Variants in PGM5 observed in about 807,000 individuals in gnomAD.
The protein encoded by PGM5 is phosphoglucomutase-like protein 5.
Under a neutral mutation model 59.2 loss-of-function variants are expected in PGM5, and 23 were observed. The ratio of observed to expected loss-of-function variants is 0.39; its 90% CI spans 0.28 to 0.55. The LOEUF (loss-of-function observed/expected upper bound fraction) is 0.55, where lower values mean the gene tolerates loss of function less well. PGM5 is among the 20% of genes least tolerant of loss of function. The probability of loss-of-function intolerance (pLI) is 0.66; values close to 1 mark genes in which losing one functional copy is unlikely to be tolerated. For synonymous variants in PGM5, 214 were observed against 286.0 expected (o/e 0.75, Z 2.54); for missense variants, 574 against 748.3 (o/e 0.77, Z 2.72).
At chr9:68,438,481 G>C (rs1454875090) in intron 6 of PGM5, among the ~76,000 whole-genome samples, 1 of 152,092 alleles carries the variant, frequency 6.6e-6, no homozygotes, top group East Asian at 1.9e-4. Flanking sequence ...CTACAGTGGA[G>C]TCAGGGAATC....
At chr9:68,465,941 G>A (rs1180774310) in intron 7 of PGM5, among the ~76,000 whole-genome samples, 2 of 152,088 alleles carry the variant, frequency 1.3e-5, no homozygotes, top group Non-Finnish European at 2.9e-5. Flanking sequence ...TTAACCCTAT[G>A]TGGGATTCTC....
chr9:68,482,167 T>C (rs1338533055), intron 8 of PGM5, among the ~76,000 whole-genome samples: 4 of 152,126 alleles, frequency 2.6e-5, no homozygotes, highest in Non-Finnish European at 5.9e-5. Context: ...CAAACAGATC[T>C]GATGATTCTC....
intron 10 of PGM5, among the ~76,000 whole-genome samples, chr9:68,503,075 C>T (rs930175045): frequency 5.9e-5 from 9 of 152,166 alleles, no homozygotes; most frequent in Admixed American, 5.9e-4. Flanking sequence ...ATTCACCTGT[C>T]AAACCAAAGG....
chr9:68,379,007 A>G (rs1821997210), intron 2 of PGM5, among the ~76,000 whole-genome samples: 1 of 152,198 alleles, frequency 6.6e-6, no homozygotes, highest in Non-Finnish European at 1.5e-5. Flanking sequence ...TTTCTGAAGA[A>G]TTTTAAAGCA....
At chr9:68,511,014 C>T (rs1394062789) in intron 10 of PGM5, among the ~76,000 whole-genome samples, 3 of 152,152 alleles carry the variant, frequency 2.0e-5, no homozygotes, top group African/African-American at 7.2e-5. Flanking sequence ...TGGATGAAGC[C>T]TCTAAGTAGC....
chr9:68,393,441 C>G, intron 6 of PGM5, among the ~76,000 whole-genome samples: 1 of 151,980 alleles, frequency 6.6e-6, no homozygotes, highest in Non-Finnish European at 1.5e-5. Flanking sequence ...TCAACAATTG[C>G]CAACTACCAA....
rs1587218644 is a variant in PGM5, at chr9:68,499,494, A to G, written c.1614+133A>G. The G allele has an allele frequency of 4.4e-6, 4 of 900,368 alleles. No homozygotes were observed. The African/African-American group carries it at 6.7e-5, about 15-fold the overall frequency. 55.8% of individuals were successfully genotyped at this position (900,368 alleles called of 1,614,324 possible). A position where few individuals can be genotyped will look rare whatever the true frequency, so the allele number is the denominator to read the frequency against. ...ATAATTTCAGCTGGAGGACAAGCTC[A>G]GGGCAACTCCAAGCAAGTTTAATTC... On this transcript the variant is annotated intron_variant, in intron 10 of 10. Transcript: ENST00000396396.
At chr9:68,479,592 G>A (rs1554686947) in intron 8 of PGM5, 39 bp downstream of exon 8, 8 of 1,601,118 alleles carry the variant, frequency 5.0e-6, no homozygotes, top group East Asian at 2.2e-5. Context: ...GGACCCTGAA[G>A]AACTACTCCT....
chr9:68,483,795 A>G (rs1824239406), intron 8 of PGM5, 70 bp from the exon 9 acceptor site: 3 of 1,400,136 alleles, frequency 2.1e-6, no homozygotes, highest in Non-Finnish European at 3.0e-6. Flanking sequence ...CAATGATTAA[A>G]TAACTGTAAG....
chr9:68,372,311 T>A (rs1554677233), intron 1 of PGM5, among the ~76,000 whole-genome samples: 2 of 150,838 alleles, frequency 1.3e-5, no homozygotes, highest in African/African-American at 2.4e-5. Context: ...GCAGAATACA[T>A]TCCTTGGCTT....
At chr9:68,365,238 G>T (rs1834657619) in intron 1 of PGM5, among the ~76,000 whole-genome samples, 1 of 145,680 alleles carries the variant, frequency 6.9e-6, no homozygotes, top group South Asian at 2.3e-4. Context: ...TGGAAATAAT[G>T]GACAAGAAAA....
intron 8 of PGM5, among the ~76,000 whole-genome samples, chr9:68,480,754 A>G (rs2132090766): frequency 6.6e-6 from 1 of 152,218 alleles, no homozygotes; most frequent in South Asian, 2.1e-4. Context: ...AAGTACAGAA[A>G]AGGAAACCAT....
intron 10 of PGM5, among the ~76,000 whole-genome samples, chr9:68,501,076 G>A (rs909658191): frequency 3.2e-4 from 48 of 151,982 alleles, no homozygotes; most frequent in African/African-American, 7.5e-4. Context: ...CCCCATGACT[G>A]CACATTTCTC....
chr9:68,494,873 C>T (rs1166010277), intron 9 of PGM5, among the ~76,000 whole-genome samples: 4 of 152,192 alleles, frequency 2.6e-5, no homozygotes, highest in South Asian at 2.1e-4. Flanking sequence ...CCATGAAGAA[C>T]GTGCATGTGT....
At chr9:68,392,577 G>A in intron 6 of PGM5, 104 bp downstream of exon 6, 5 of 1,537,282 alleles carry the variant, frequency 3.3e-6, no homozygotes, top group Non-Finnish European at 4.4e-6. Flanking sequence ...ATTTGGGAAT[G>A]CGTTGAAAGC....
intron 6 of PGM5, among the ~76,000 whole-genome samples, chr9:68,432,432 C>A (rs1031919609): frequency 1.1e-4 from 16 of 152,032 alleles, no homozygotes; most frequent in African/African-American, 2.9e-4. Context: ...AACTCATGGT[C>A]TCAAGTGATC....
chr9:68,520,854 A>G (rs1824891278), intron 10 of PGM5, among the ~76,000 whole-genome samples: 1 of 152,228 alleles, frequency 6.6e-6, no homozygotes, highest in Non-Finnish European at 1.5e-5. Context: ...TTGTCTTCAG[A>G]AGGACAAGCA....
At chr9:68,455,342 T>G (rs1298938233) in intron 6 of PGM5, among the ~76,000 whole-genome samples, 2 of 152,080 alleles carry the variant, frequency 1.3e-5, no homozygotes, top group Non-Finnish European at 2.9e-5. Context: ...CTGAGAGATA[T>G]TAATCTATTG....
intron 6 of PGM5, among the ~76,000 whole-genome samples, chr9:68,415,087 T>C (rs1309699835): frequency 2.1e-4 from 32 of 149,360 alleles, no homozygotes; most frequent in Non-Finnish European, 3.7e-4. Context: ...CTTCATGTCA[T>C]AAGGAGCCAA....
Sources: allele counts gnomAD v4.1 joint callset (sites outside exome capture counted in the v4.1 genomes callset), GRCh38; gene constraint gnomAD v4.1.1; transcripts MANE v1.5; gene names NCBI Gene and HGNC (gene_info 2026-07-23, HGNC 2026-07-21).